The following LRTM1 variants were observed in gnomAD, a reference collection of about 807,000 sequenced individuals.
The protein encoded by LRTM1 is leucine rich repeat transmembrane protein 1.
A neutral mutation model predicts 32.4 loss-of-function variants in LRTM1; 38 were observed. The ratio of observed to expected loss-of-function variants is 1.17; its 90% CI spans 0.91 to 1.54. The LOEUF is 1.54. Ranked by LOEUF, LRTM1 falls within the 40% of genes most tolerant of loss-of-function variation. The probability of loss-of-function intolerance (pLI) is 0.00; values close to 1 mark genes in which losing one functional copy is unlikely to be tolerated. For synonymous variants in LRTM1, 186 were observed against 169.9 expected (o/e 1.09, Z -0.74); for missense variants, 466 against 415.4 (o/e 1.12, Z -1.06).
At chr3:54,931,372 T>A (rs979995064), upstream of LRTM1, among the ~76,000 whole-genome samples, 1 of 152,214 alleles carries the variant, frequency 6.6e-6, no homozygotes, top group Non-Finnish European at 1.5e-5. Context: ...GGAGGCTGAT[T>A]GATTTATTCC....
At chr3:54,938,235 C>T (rs745377487) in intron 1 of LRTM1, among the ~76,000 whole-genome samples, 2 of 152,224 alleles carry the variant, frequency 1.3e-5, no homozygotes, top group Non-Finnish European at 2.9e-5. Flanking sequence ...CTGGATGGGA[C>T]GTAACATTTC....
intron 1 of LRTM1, among the ~76,000 whole-genome samples, chr3:54,937,657 A>C (rs1701364007): frequency 6.6e-6 from 1 of 152,208 alleles, no homozygotes; most frequent in African/African-American, 2.4e-5. Flanking sequence ...AGGTGAGGGC[A>C]GGCATCCCAA....
upstream of LRTM1, among the ~76,000 whole-genome samples, chr3:54,932,170 C>A (rs760125067): frequency 3.3e-5 from 5 of 151,984 alleles, no homozygotes; most frequent in Non-Finnish European, 5.9e-5. Flanking sequence ...CAGAGTGAGA[C>A]CCTGTCTCAA....
intron 1 of LRTM1, among the ~76,000 whole-genome samples, chr3:54,934,675 T>C (rs1701285164): frequency 6.6e-6 from 1 of 152,152 alleles, no homozygotes; most frequent in African/African-American, 2.4e-5. Flanking sequence ...CTAGAAAAGA[T>C]ATTGCATACT....
rs148888414 is a variant in LRTM1, at chr3:54,944,393, A to G, written c.-221-19178T>C. The stretch of plus-strand genomic sequence containing the variant: ...TTGACTGTTTTATTTTAAATTTCCC[A>G]GGGTATTTATTTATTTATTTATTTA... On this transcript the variant is annotated intron_variant, in intron 1 of 2. Coordinates refer to the LRTM1 transcript ENST00000493075. Among the ~76,000 whole-genome samples, 57 of 148,610 alleles carry G rather than the reference A, an allele frequency of 3.8e-4. No homozygotes were observed. In the East Asian group the frequency reaches 3.9e-3, roughly 10 times the overall value.
chr3:54,959,276 C>A (rs1173751350), intron 1 of LRTM1, among the ~76,000 whole-genome samples: 1 of 152,156 alleles, frequency 6.6e-6, no homozygotes, highest in Non-Finnish European at 1.5e-5. Flanking sequence ...TCCCTGTCAG[C>A]TCTGGAGGGA....
chr3:54,957,166 CTTT>C (rs57778359), intron 1 of LRTM1, among the ~76,000 whole-genome samples: 8 of 148,712 alleles, frequency 5.4e-5, no homozygotes, highest in African/African-American at 1.0e-4. Flanking sequence ...AAATAATTTT[CTTT>C]TTTTTTTTTT....
rs762183991 is a variant in LRTM1 at position 54,918,664 on chromosome 3, CTTGGCTTGGGT to C, written c.822_832del (p.Pro275AlafsTer52). 1 of 1,614,162 alleles carries C rather than the reference CTTGGCTTGGGT, an allele frequency of 6.2e-7. No homozygotes were observed. The highest frequency in any genetic ancestry group is 8.5e-7 in the Non-Finnish European group (1 of 1,180,036). ...AATGGCATGACGCAGGTTGGCCGGC[CTTGGCTTGGGT>C]TTGAGCTCGCACTCCAAGAGTTCTC... On this transcript the variant is annotated frameshift_variant, in exon 3 of 3. Transcript: ENST00000273286. LOFTEE classifies it high-confidence loss of function.
intron 2 of LRTM1, among the ~76,000 whole-genome samples, chr3:54,923,034 C>T (rs187366814): frequency 1.8e-4 from 28 of 152,316 alleles, no homozygotes; most frequent in African/African-American, 6.5e-4. Context: ...CCATCATCTT[C>T]GCTGGCTGAC....
chr3:54,959,091 A>T (rs966316242), intron 1 of LRTM1, among the ~76,000 whole-genome samples: 13 of 152,214 alleles, frequency 8.5e-5, no homozygotes, highest in Non-Finnish European at 1.6e-4. Context: ...ACAGAGCAAG[A>T]TCTTGCATCA....
upstream of LRTM1, among the ~76,000 whole-genome samples, chr3:54,933,051 CCCTT>C (rs60554563): frequency 0.058 from 8,086 of 139,120 alleles, 303 homozygotes; most frequent in Middle Eastern, 0.076. Context: ...ATCCATCCCT[CCCTT>C]CCTTCCTTCC....
chr3:54,926,692 G>T (rs1380370767), intron 1 of LRTM1, among the ~76,000 whole-genome samples: 1 of 152,132 alleles, frequency 6.6e-6, no homozygotes, highest in Non-Finnish European at 1.5e-5. Context: ...TTTAACTGTT[G>T]TAGCATATTC....
intron 1 of LRTM1, among the ~76,000 whole-genome samples, chr3:54,962,282 G>A (rs1419584251): frequency 6.6e-6 from 1 of 152,128 alleles, no homozygotes; most frequent in Non-Finnish European, 1.5e-5. Flanking sequence ...TTCTCTAAGA[G>A]CCTGCTTGGC....
rs571235451 is a variant in LRTM1, at chr3:54,961,678, C to A, written c.-222+5250G>T. ...TGGCCTGATTGATGTGCACAGGAAG[C>A]TGATGGCACCAGTATCATGGACAGC... On this transcript the variant is annotated intron_variant, in intron 1 of 2. Coordinates refer to the LRTM1 transcript ENST00000493075. 2.2e-4 allele frequency among the ~76,000 whole-genome samples: 34 copies of A among 152,274 alleles called. No homozygotes were observed. In the South Asian group the frequency reaches 6.8e-3, roughly 31 times the overall value.
chr3:54,951,909 C>T lies in LRTM1; in HGVS notation c.-222+15019G>A, dbSNP rs781003147. On this transcript the variant is annotated intron_variant, in intron 1 of 2. Coordinates refer to the LRTM1 transcript ENST00000493075. ...CATTACCCAGGCTGGAGTGCAGTGACGCGATCTCGGCTCACTGCAACCTCC... is the reference window on the plus strand; with the variant it reads ...CATTACCCAGGCTGGAGTGCAGTGATGCGATCTCGGCTCACTGCAACCTCC... Among the ~76,000 whole-genome samples the T allele has an allele frequency of 1.1e-4, 17 of 152,110 alleles. 1 individual carries two copies. Among genetic ancestry groups the T allele is most frequent in the Admixed American group, 5.9e-4 (9 of 15,264 alleles).
chr3:54,923,868 A>G (rs1184264428), intron 2 of LRTM1, among the ~76,000 whole-genome samples: 1 of 152,210 alleles, frequency 6.6e-6, no homozygotes, highest in East Asian at 1.9e-4. Flanking sequence ...GGCCAGATAG[A>G]CAATACAGCC....
chr3:54,929,877 A>G (rs1160037153), upstream of LRTM1, among the ~76,000 whole-genome samples: 2 of 152,212 alleles, frequency 1.3e-5, no homozygotes, highest in Non-Finnish European at 2.9e-5. Context: ...TTAATTTATC[A>G]TAACACAACA....
chr3:54,959,063 T>C (rs1183570121), intron 1 of LRTM1, among the ~76,000 whole-genome samples: 1 of 152,192 alleles, frequency 6.6e-6, no homozygotes, highest in Non-Finnish European at 1.5e-5. Flanking sequence ...ATCGCGCCAC[T>C]GCACTCCAGC....
intron 1 of LRTM1, among the ~76,000 whole-genome samples, chr3:54,962,584 C>T (rs1407818287): frequency 2.6e-5 from 4 of 152,290 alleles, no homozygotes; most frequent in African/African-American, 4.8e-5. Context: ...AAGCCAGAGC[C>T]GGTGCAACTC....
Sources: allele counts gnomAD v4.1 joint callset (sites outside exome capture counted in the v4.1 genomes callset), GRCh38; gene constraint gnomAD v4.1.1; transcripts MANE v1.5; gene names NCBI Gene and HGNC (gene_info 2026-07-23, HGNC 2026-07-21).